Variants in CAPN8 observed in about 807,000 individuals in gnomAD.
The protein encoded by CAPN8 is calpain 8.
Under a neutral mutation model 80.9 loss-of-function variants are expected in CAPN8, and 87 were observed. That is an observed-to-expected ratio of 1.07 (90% CI 0.90 to 1.28). The LOEUF is 1.28. Ranked by LOEUF, CAPN8 falls within the 50% of genes most tolerant of loss-of-function variation. CAPN8 has a pLI of 0.00. For missense variants in CAPN8, 757 were observed against 702.0 expected, an observed-to-expected ratio of 1.08 and a Z score of -0.89; for synonymous variants, 299 against 273.8, an observed-to-expected ratio of 1.09 and a Z score of -0.91.
chr1:223,550,611 T>C (rs1477047190), intron 15 of CAPN8, among the ~76,000 whole-genome samples: 2 of 152,136 alleles, frequency 1.3e-5, no homozygotes, highest in Non-Finnish European at 2.9e-5. Flanking sequence ...TTCCACAGTA[T>C]CCAAGTTATT....
chr1:223,547,361 G>A (rs761250413), intron 16 of CAPN8, among the ~76,000 whole-genome samples: 5 of 152,120 alleles, frequency 3.3e-5, no homozygotes, highest in African/African-American at 2.4e-5. Flanking sequence ...CAATTACAAA[G>A]GACCACATAT....
intron 16 of CAPN8, among the ~76,000 whole-genome samples, chr1:223,548,625 G>A (rs1656696690): frequency 6.6e-6 from 1 of 152,110 alleles, no homozygotes; most frequent in Admixed American, 6.5e-5. Context: ...TATGAACTAG[G>A]AAACTGGCCC....
intron 11 of CAPN8, 137 bp downstream of exon 11, chr1:223,612,109 G>T: frequency 2.9e-6 from 2 of 684,542 alleles, no homozygotes; most frequent in Non-Finnish European, 4.1e-6. Context: ...CATGTGGTTT[G>T]ATTCATGACT....
chr1:223,627,460 G>A (rs1657624068), intron 4 of CAPN8, among the ~76,000 whole-genome samples: 1 of 152,196 alleles, frequency 6.6e-6, no homozygotes, highest in Admixed American at 6.5e-5. Flanking sequence ...GCACAGATGG[G>A]GAGAAGGAGA....
intron 2 of CAPN8, among the ~76,000 whole-genome samples, chr1:223,649,766 A>T (rs767997010): frequency 2.0e-5 from 3 of 152,206 alleles, no homozygotes; most frequent in African/African-American, 2.4e-5. Context: ...ATAGGCAGGG[A>T]TTTACACCAA....
chr1:223,547,105 G>C (rs1166413562), intron 16 of CAPN8, among the ~76,000 whole-genome samples: 1 of 152,114 alleles, frequency 6.6e-6, no homozygotes, highest in Admixed American at 6.5e-5. Context: ...GTAGAGACAG[G>C]ATTTCACTGT....
At chr1:223,609,911 C>T (rs1411765523) in intron 11 of CAPN8, among the ~76,000 whole-genome samples, 5 of 152,272 alleles carry the variant, frequency 3.3e-5, no homozygotes, top group South Asian at 2.1e-4. Flanking sequence ...GCAGAGGGGG[C>T]GGCCACAGCT....
Position 223,615,698 on chromosome 1 carries a change from G to A in CAPN8, c.1311+272C>T, listed in dbSNP as rs780207727. ...GCCTGTACTTGGAAAAGAGTCTAAT[G>A]AACACATGTACACTGAGCCCTCAAT... is the stretch of plus-strand genomic sequence containing the variant. On this transcript the variant is annotated intron_variant, in intron 10 of 20. Transcript: ENST00000366872. The A allele has an allele frequency of 3.2e-5, 18 of 559,230 alleles. 1 individual carries two copies. Among genetic ancestry groups the A allele is most frequent in the East Asian group, 1.7e-4 (4 of 23,434 alleles). 34.6% of individuals were successfully genotyped at this position (559,230 alleles called of 1,614,324 possible).
In CAPN8 at chr1:223,619,337, T is replaced by C. The variant is rs1292411510; in HGVS notation, c.1091A>G (p.His364Arg). 3 of 1,551,708 alleles carry C rather than the reference T, an allele frequency of 1.9e-6. No homozygotes were observed. The highest frequency in any genetic ancestry group is 2.6e-6 in the Non-Finnish European group (3 of 1,146,996). ...CCCAGCTGTGGAGCCCCGGGTCCAGTGGCCGTTGAACAGGACCAGGTTCCA... is the reference window on the plus strand; with the variant it reads ...CCCAGCTGTGGAGCCCCGGGTCCAGCGGCCGTTGAACAGGACCAGGTTCCA... The part of the protein sequence containing the change: ...HKWNLVLFNG[H>R]WTRGSTAGGC... The change falls in exon 9 of 21, where the codon CAC (histidine) becomes CGC (arginine). Residue 364 changes from histidine (H) to arginine (R), a missense_variant. Coordinates refer to ENST00000366872, the MANE Select transcript of CAPN8 (RefSeq NM_001143962.2).
intron 9 of CAPN8, chr1:223,618,223 G>A: frequency 6.4e-7 from 1 of 1,550,426 alleles, no homozygotes; most frequent in Admixed American, 2.0e-5. Context: ...GAGATGTGGG[G>A]CTGTCTTCCT....
At chr1:223,644,855 G>A (rs932112781) in intron 2 of CAPN8, among the ~76,000 whole-genome samples, 15 of 152,132 alleles carry the variant, frequency 9.9e-5, no homozygotes, top group African/African-American at 3.6e-4. Context: ...CAGAGTTGTG[G>A]CCCCCAGAGT....
At chr1:223,615,658 C>T (rs1163354678) in intron 10 of CAPN8, 3 of 482,266 alleles carry the variant, frequency 6.2e-6, no homozygotes, top group East Asian at 1.2e-4. Context: ...GTTCTTGGCT[C>T]TTGTCCCTGG....
rs1304144899 is a variant in CAPN8 at position 223,549,375 on chromosome 1, G to A, written c.1707C>T (p.Asp569=). ...LLNEAFSKRT[D]IKFDGFNINT... Reference sequence around the variant, plus strand: ...TGATGTTGAATCCATCGAATTTTATGTCTGTTCCTAAAGATTTAAATAGAA... The same window carrying A: ...TGATGTTGAATCCATCGAATTTTATATCTGTTCCTAAAGATTTAAATAGAA... The change falls in exon 16 of 21, where the codon GAC becomes GAT. Residue 569 remains aspartate, a synonymous_variant. Coordinates refer to ENST00000366872, the MANE Select transcript of CAPN8 (RefSeq NM_001143962.2). 3.2e-6 allele frequency: 5 copies of A among 1,551,648 alleles called. No homozygotes were observed. The highest frequency in any genetic ancestry group is 3.5e-6 in the Non-Finnish European group (4 of 1,147,012).
chr1:223,541,964 T>C (rs1030586790), intron 20 of CAPN8, 105 bp from the exon 21 acceptor site: 7 of 1,521,788 alleles, frequency 4.6e-6, no homozygotes, highest in African/African-American at 1.4e-5. Context: ...TTTATCTCCA[T>C]TCTCCAGTAA....
intron 14 of CAPN8, among the ~76,000 whole-genome samples, chr1:223,551,374 A>C (rs1241705935): frequency 6.6e-6 from 1 of 152,028 alleles, no homozygotes; most frequent in African/African-American, 2.4e-5. Flanking sequence ...AACTCCTGAC[A>C]TCGTGATCTG....
intron 2 of CAPN8, among the ~76,000 whole-genome samples, chr1:223,652,687 G>C (rs2102734416): frequency 1.3e-5 from 2 of 152,136 alleles, no homozygotes; most frequent in South Asian, 4.2e-4. Flanking sequence ...TCTTCTACTG[G>C]CAAAGGCTCA....
In CAPN8 at chr1:223,545,260, T is replaced by A. The variant is rs1656589554; in HGVS notation, c.1804A>T (p.Thr602Ser). 1.3e-6 allele frequency: 2 copies of A among 1,551,654 alleles called. No individual in the cohort carries two copies. The highest frequency in any genetic ancestry group is 1.7e-6 in the Non-Finnish European group (2 of 1,146,960). ...TACTTCTGAATCTTCAGCCAGAGCG[T>A]CTTGAATTCCACCGCCCCCAAAGTG... ...TGTLGAVEFKTLWLKIQKYLE... is the reference protein window; with the variant it reads ...TGTLGAVEFKSLWLKIQKYLE... Residue 602 changes from threonine to serine, a missense_variant, in exon 17 of 21, where the codon ACG (threonine) becomes TCG (serine). Thr to Ser is a moderately conservative substitution (Grantham distance 58). Transcript: ENST00000366872.
intron 16 of CAPN8, among the ~76,000 whole-genome samples, chr1:223,547,461 G>T (rs750046212): frequency 6.6e-5 from 10 of 152,216 alleles, no homozygotes; most frequent in Non-Finnish European, 1.5e-4. Flanking sequence ...GGTCGTGGAG[G>T]TTGGGGGAAA....
chr1:223,631,593 T>A (rs1053403491), intron 2 of CAPN8, among the ~76,000 whole-genome samples: 1 of 152,162 alleles, frequency 6.6e-6, no homozygotes. Context: ...CAACGGATGT[T>A]TGATGAATAA....
Sources: gnomAD v4.1 joint callset for allele counts (sites outside exome capture counted in the v4.1 genomes callset) on GRCh38, gnomAD v4.1.1 for gene constraint, MANE v1.5 for transcripts, NCBI Gene and HGNC (gene_info 2026-07-23, HGNC 2026-07-21) for gene names.